EPHB2: variants seen among roughly 807,000 people sequenced by gnomAD.
EPHB2 encodes ephrin type-B receptor 2.
In EPHB2, 18 loss-of-function variants were observed where a neutral mutation model predicts 96.4. The observed-to-expected ratio is 0.19, with a 90% CI of 0.13 to 0.28. The LOEUF (loss-of-function observed/expected upper bound fraction) is 0.28, where lower values mean the gene tolerates loss of function less well. EPHB2 is among the 10% of genes least tolerant of loss of function. EPHB2 has a pLI of 1.00. For synonymous variants in EPHB2, 506 were observed against 534.1 expected (o/e 0.95, Z 0.72); for missense variants, 989 against 1,355.4 (o/e 0.73, Z 4.25).
Position 22,856,519 on chromosome 1 carries a change from G to T in EPHB2, c.812-6518G>T, listed in dbSNP as rs542459266. ...CCAGCAAATCCCGTCCCCTCGGCAGGCCTGACAAGATGGTGTCCAGCTGTG... is the reference window on the plus strand; with the variant it reads ...CCAGCAAATCCCGTCCCCTCGGCAGTCCTGACAAGATGGTGTCCAGCTGTG... On this transcript the variant is annotated intron_variant, in intron 3 of 15. Transcript: ENST00000374630. Among the ~76,000 whole-genome samples the T allele has an allele frequency of 3.3e-5, 5 of 152,280 alleles. No homozygotes were observed. The South Asian group carries it at 1.0e-3, about 32-fold the overall frequency.
chr1:22,736,354 G>A (rs1426711471), intron 1 of EPHB2, among the ~76,000 whole-genome samples: 1 of 152,142 alleles, frequency 6.6e-6, no homozygotes, highest in African/African-American at 2.4e-5. Context: ...GCCTGGTGCT[G>A]GGCCCAGAGA....
chr1:22,720,697 G>A (rs1393400979), intron 1 of EPHB2, among the ~76,000 whole-genome samples: 1 of 89,982 alleles, frequency 1.1e-5, no homozygotes, highest in African/African-American at 4.1e-5. Flanking sequence ...CCCCCGAATT[G>A]TCTTCAGTGT....
intron 1 of EPHB2, among the ~76,000 whole-genome samples, chr1:22,739,990 C>T (rs1175372463): frequency 6.6e-6 from 1 of 152,220 alleles, no homozygotes; most frequent in Non-Finnish European, 1.5e-5. Context: ...GACATTTTCA[C>T]AAAATAAATC....
intron 1 of EPHB2, among the ~76,000 whole-genome samples, chr1:22,749,544 T>G (rs146290043): frequency 6.6e-6 from 1 of 152,280 alleles, no homozygotes; most frequent in East Asian, 1.9e-4. Flanking sequence ...AGGTGTTTCT[T>G]GGTTGTCTTG....
chr1:22,908,317 C>A, intron 12 of EPHB2, 149 bp downstream of exon 12: 1 of 989,538 alleles, frequency 1.0e-6, no homozygotes, highest in Non-Finnish European at 1.5e-6. Flanking sequence ...ACCACAGCTC[C>A]TGCCCTCTTG....
rs776846376 is a variant in EPHB2 at position 22,913,753 on chromosome 1, A to G, written c.*183A>G. The G allele has an allele frequency of 1.3e-5, 20 of 1,593,862 alleles. No individual in the cohort carries two copies. The East Asian group carries it at 1.6e-4, about 13-fold the overall frequency. On this transcript the variant is annotated 3_prime_UTR_variant, in exon 16 of 16. Coordinates refer to ENST00000374630, the MANE Select transcript of EPHB2 (RefSeq NM_017449.5). The surrounding 1 kb of genome is among the most constrained non-coding windows in gnomAD (Gnocchi z 4.1). ...AGAAAACATGCAACTCAAACGACGGAAAAAAAAAGGGAATGGGAAAAAAGA... is the reference window on the plus strand; with the variant it reads ...AGAAAACATGCAACTCAAACGACGGGAAAAAAAAGGGAATGGGAAAAAAGA...
At chr1:22,861,485 A>G (rs1024097806) in intron 3 of EPHB2, among the ~76,000 whole-genome samples, 5 of 152,194 alleles carry the variant, frequency 3.3e-5, no homozygotes, top group African/African-American at 1.2e-4. Context: ...ACAAAAATAA[A>G]AATAAAATTA....
intron 3 of EPHB2, among the ~76,000 whole-genome samples, chr1:22,788,970 G>T (rs1214680917): frequency 3.3e-5 from 5 of 152,106 alleles, no homozygotes; most frequent in Non-Finnish European, 5.9e-5. Flanking sequence ...GACCAGGCTG[G>T]TCTCGAACTC....
chr1:22,779,768 T>C (rs980724752), intron 1 of EPHB2, among the ~76,000 whole-genome samples: 12 of 152,338 alleles, frequency 7.9e-5, no homozygotes, highest in African/African-American at 2.6e-4. Flanking sequence ...GCGGTTGGGC[T>C]GGACCAGGGA....
intron 3 of EPHB2, among the ~76,000 whole-genome samples, chr1:22,785,388 A>G (rs1644596893): frequency 1.3e-5 from 2 of 152,246 alleles, no homozygotes; most frequent in Admixed American, 6.5e-5. Context: ...CTTCCTTTAC[A>G]AAGGTGATAT....
At chr1:22,726,805 G>C (rs972410109) in intron 1 of EPHB2, among the ~76,000 whole-genome samples, 2 of 152,188 alleles carry the variant, frequency 1.3e-5, no homozygotes, top group Non-Finnish European at 2.9e-5. Context: ...ACACTTTTTA[G>C]TACATACTTG....
intron 1 of EPHB2, among the ~76,000 whole-genome samples, chr1:22,734,482 C>T (rs913512554): frequency 1.0e-4 from 15 of 148,744 alleles, no homozygotes; most frequent in East Asian, 4.0e-4. Context: ...AGTGCAGTGG[C>T]GCAATCTCTG....
intron 1 of EPHB2, among the ~76,000 whole-genome samples, chr1:22,780,850 C>T (rs1356546341): frequency 6.6e-6 from 1 of 152,048 alleles, no homozygotes; most frequent in African/African-American, 2.4e-5. Flanking sequence ...GTGGACTTGG[C>T]CTGGAGGGGC....
intron 3 of EPHB2, among the ~76,000 whole-genome samples, chr1:22,832,269 T>C (rs933835594): frequency 1.3e-5 from 2 of 152,156 alleles, no homozygotes; most frequent in Non-Finnish European, 2.9e-5. Context: ...GAGCTGTGGG[T>C]TCTTCCTCAA....
intron 9 of EPHB2, among the ~76,000 whole-genome samples, chr1:22,902,147 A>G (rs1001341069): frequency 3.3e-5 from 5 of 152,130 alleles, no homozygotes; most frequent in South Asian, 2.1e-4. Context: ...TCTTATGCCA[A>G]TTTCCTCGTC....
At chr1:22,731,325 C>T (rs930595555) in intron 1 of EPHB2, among the ~76,000 whole-genome samples, 2 of 152,160 alleles carry the variant, frequency 1.3e-5, no homozygotes, top group African/African-American at 4.8e-5. Flanking sequence ...CACAAGGCCC[C>T]TTCCCTCTTT....
chr1:22,852,013 C>G (rs1366591408), intron 3 of EPHB2, among the ~76,000 whole-genome samples: 2 of 152,218 alleles, frequency 1.3e-5, no homozygotes, highest in Non-Finnish European at 2.9e-5. Flanking sequence ...GAGCTGGCCT[C>G]AAATTCCAGC....
At chr1:22,880,036 G>T (rs996028509) in intron 5 of EPHB2, among the ~76,000 whole-genome samples, 8 of 152,034 alleles carry the variant, frequency 5.3e-5, no homozygotes, top group African/African-American at 1.9e-4. Flanking sequence ...GGCCCACGCT[G>T]GTCCCCAGGC....
intron 5 of EPHB2, among the ~76,000 whole-genome samples, chr1:22,879,943 A>G (rs367933224): frequency 1.1e-4 from 17 of 152,330 alleles, no homozygotes; most frequent in African/African-American, 4.1e-4. Flanking sequence ...TCCTTCTTGC[A>G]GGTGCTGCCA....
Sources: gnomAD v4.1 joint callset for allele counts (sites outside exome capture counted in the v4.1 genomes callset) on GRCh38, gnomAD v4.1.1 for gene constraint, Gnocchi (gnomAD v3.1) non-coding constraint, MANE v1.5 for transcripts, NCBI Gene and HGNC (gene_info 2026-07-23, HGNC 2026-07-21) for gene names.